The following PZP variants were observed in gnomAD, a reference collection of about 807,000 sequenced individuals.
PZP encodes pregnancy zone protein.
A neutral mutation model predicts 179.8 loss-of-function variants in PZP; 150 were observed. The observed-to-expected ratio is 0.83, with a 90% CI of 0.73 to 0.96. The LOEUF is 0.96. Among genes scored for constraint, PZP ranks in the 40% least tolerant of loss-of-function variants. The pLI is 0.00. For synonymous variants in PZP, 624 were observed against 652.3 expected, an observed-to-expected ratio of 0.96 and a Z score of 0.66; for missense variants, 1,689 against 1,764.0, an observed-to-expected ratio of 0.96 and a Z score of 0.76.
chr12:9,205,171 G>A (rs1395944546), intron 1 of PZP, among the ~76,000 whole-genome samples: 1 of 152,054 alleles, frequency 6.6e-6, no homozygotes, highest in African/African-American at 2.4e-5. Flanking sequence ...TATTTAAATT[G>A]TTGAAAGTTT....
intron 21 of PZP, among the ~76,000 whole-genome samples, chr12:9,163,296 CA>C (rs139918325): frequency 0.24 from 32,069 of 134,034 alleles, 3,639 homozygotes; most frequent in East Asian, 0.4. Context: ...ACTAAAAATA[CA>C]AAAAAAAAAA....
At chr12:9,208,197 G>T in intron 1 of PZP, 62 bp downstream of exon 1, 1 of 1,311,786 alleles carries the variant, frequency 7.6e-7, no homozygotes, top group Non-Finnish European at 1.1e-6. Flanking sequence ...GGAAGGCAAA[G>T]CGAAGACACA....
intron 4 of PZP, among the ~76,000 whole-genome samples, chr12:9,201,565 C>T (rs1944163024): frequency 6.6e-6 from 1 of 151,900 alleles, no homozygotes; most frequent in African/African-American, 2.4e-5. Context: ...TTGCCATTTC[C>T]CTGAAAATTA....
intron 7 of PZP, among the ~76,000 whole-genome samples, chr12:9,199,199 G>C (rs1456304374): frequency 2.0e-5 from 3 of 152,130 alleles, no homozygotes; most frequent in African/African-American, 7.2e-5. Context: ...TCATAATCAT[G>C]ACATCAGTCA....
intron 12 of PZP, 89 bp downstream of exon 12, chr12:9,192,423 G>A: frequency 7.5e-7 from 1 of 1,339,508 alleles, no homozygotes; most frequent in Admixed American, 1.8e-5. Flanking sequence ...GTGGCTGTGT[G>A]CAAGTAGTTT....
At chr12:9,196,826 A>G (rs1182743968) in intron 8 of PZP, 141 bp from the exon 9 acceptor site, 1 of 795,762 alleles carries the variant, frequency 1.3e-6, no homozygotes, top group East Asian at 2.6e-5. Flanking sequence ...TAATACTCAT[A>G]TCTGCTTTGT....
At chr12:9,205,123 A>G (rs949960294) in intron 1 of PZP, among the ~76,000 whole-genome samples, 4 of 152,178 alleles carry the variant, frequency 2.6e-5, no homozygotes, top group Non-Finnish European at 5.9e-5. Context: ...TTATATGAGT[A>G]CTAAAAGTCA....
At chr12:9,187,036 A>G (rs1315739511) in intron 13 of PZP, among the ~76,000 whole-genome samples, 2 of 151,264 alleles carry the variant, frequency 1.3e-5, no homozygotes, top group Non-Finnish European at 2.9e-5. Flanking sequence ...AGGGGTTGCA[A>G]TACTAATTTC....
intron 35 of PZP, among the ~76,000 whole-genome samples, 178 bp from the exon 36 acceptor site, chr12:9,149,172 C>T (rs1387628491): frequency 6.6e-6 from 1 of 152,146 alleles, no homozygotes; most frequent in Non-Finnish European, 1.5e-5. Context: ...ACAAAGGCAG[C>T]CATAGCCAAT....
intron 20 of PZP, 106 bp from the exon 21 acceptor site, chr12:9,163,895 A>C: frequency 7.2e-7 from 1 of 1,390,170 alleles, no homozygotes; most frequent in Non-Finnish European, 9.7e-7. Flanking sequence ...AATAAGGCTA[A>C]AAAAAAAGAA....
At chr12:9,186,682 T>A (rs1297838509) in intron 13 of PZP, among the ~76,000 whole-genome samples, 1 of 151,930 alleles carries the variant, frequency 6.6e-6, no homozygotes. Flanking sequence ...TAAAAAAGGA[T>A]GAGTTCATGT....
intron 27 of PZP, 80 bp from the exon 28 acceptor site, chr12:9,157,435 G>T (rs1209666254): frequency 7.5e-7 from 1 of 1,333,092 alleles, no homozygotes; most frequent in Non-Finnish European, 1.0e-6. Context: ...TTGACAGTCA[G>T]ATGTTATTAA....
intron 15 of PZP, among the ~76,000 whole-genome samples, chr12:9,177,390 G>C (rs1942458592): frequency 6.6e-6 from 1 of 152,202 alleles, no homozygotes; most frequent in Non-Finnish European, 1.5e-5. Context: ...CTGTCAAGCT[G>C]TCAGGTGGCT....
At chr12:9,138,577 A>C in the PZP span, among the ~76,000 whole-genome samples, 1 of 151,888 alleles carries the variant, frequency 6.6e-6, no homozygotes, top group African/African-American at 2.4e-5. Context: ...ACTGATTGGC[A>C]CTTTTTTAAA....
intron 8 of PZP, 122 bp downstream of exon 8, chr12:9,196,890 T>C: frequency 1.2e-6 from 1 of 844,356 alleles, no homozygotes; most frequent in Admixed American, 2.5e-5. Flanking sequence ...GAACAGAAAT[T>C]CGTTTTTTGG....
At position 9,158,524 on chromosome 12, in the gene PZP, T is replaced by G; in HGVS notation, c.3190A>C (p.Ile1064Leu). Residue 1064 changes from isoleucine to leucine, a missense_variant, in exon 26 of 36, where the codon ATT becomes CTT. Coordinates refer to ENST00000261336, the MANE Select transcript of PZP (RefSeq NM_002864.3). Reference sequence around the variant, plus strand: ...GATTGGGTAATGTGTGCTTCATCAATGAAGATGTAGGATCGAGCCTGGGCG... The same window carrying G: ...GATTGGGTAATGTGTGCTTCATCAAGGAAGATGTAGGATCGAGCCTGGGCG... The part of the protein sequence containing the change: ...TFAQARSYIF[I>L]DEAHITQSLT... 1 of 1,614,112 alleles carries G rather than the reference T, an allele frequency of 6.2e-7. No homozygotes were observed. Among genetic ancestry groups the G allele is most frequent in the Non-Finnish European group, 8.5e-7 (1 of 1,180,004 alleles).
At position 9,159,947 on chromosome 12, in the gene PZP, C is replaced by T. The variant is rs750546199; in HGVS notation, c.3128G>A (p.Gly1043Asp). 13 of 1,611,616 alleles carry T rather than the reference C, an allele frequency of 8.1e-6. No individual in the cohort carries two copies. The highest frequency in any genetic ancestry group is 1.1e-5 in the Non-Finnish European group (13 of 1,177,938). Reference protein sequence around the residue: ...TFGERYGRNQGNTWLTAFVLK... With the variant: ...TFGERYGRNQDNTWLTAFVLK... ...AGATTTTCTTTCTTACCAAGTGTTG[C>T]CCTGGTTCCTGCCATATCGTTCCCC... Residue 1043 changes from glycine to aspartate, a missense_variant, in exon 25 of 36, where the codon GGC becomes GAC. By Grantham distance (94) the Gly-to-Asp change is moderately conservative. Coordinates refer to ENST00000261336, the MANE Select transcript of PZP (RefSeq NM_002864.3).
Position 9,160,326 on chromosome 12 carries a change from A to G in PZP, c.3037T>C (p.Tyr1013His), listed in dbSNP as rs1941084862. ...CTGTCTCACTTACCAGTGATGAGAT[A>G]GCCAACGGCCTTGGCCTTGATCTCC... Reference protein sequence around the residue: ...TQEIKAKAVGYLITGYQRQLN... With the variant: ...TQEIKAKAVGHLITGYQRQLN... Residue 1013 changes from tyrosine (Y) to histidine (H), a missense_variant, in exon 24 of 36, where the codon TAT becomes CAT. This residue lies in a region of PZP where 746 missense variants were observed against 749.2 expected (regional missense o/e 1.00). Coordinates refer to ENST00000261336, the MANE Select transcript of PZP (RefSeq NM_002864.3). 1 of 1,610,578 alleles carries G rather than the reference A, an allele frequency of 6.2e-7. No individual in the cohort carries two copies. Among genetic ancestry groups the G allele is most frequent in the Non-Finnish European group, 8.5e-7 (1 of 1,179,036 alleles).
At position 9,165,237 on chromosome 12, in the gene PZP, G is replaced by A. The variant is rs781778595; in HGVS notation, c.2389C>T (p.Pro797Ser). ...GGCATTGTGAGCTCCACAAAGAAGGGCTGGAAGGCTCGGAGAGAGGCAGTG... is the reference window on the plus strand; with the variant it reads ...GGCATTGTGAGCTCCACAAAGAAGGACTGGAAGGCTCGGAGAGAGGCAGTG... ...SSTASLRAFQ[P>S]FFVELTMPYS... The change falls in exon 19 of 36, where the codon CCC becomes TCC. Residue 797 changes from proline to serine, a missense_variant. Transcript: ENST00000261336. 3.1e-6 allele frequency: 5 copies of A among 1,614,178 alleles called. No individual in the cohort carries two copies. In the South Asian group the frequency reaches 3.3e-5, roughly 11 times the overall value.
Sources: allele counts gnomAD v4.1 joint callset (sites outside exome capture counted in the v4.1 genomes callset), GRCh38; gene constraint gnomAD v4.1.1; regional missense constraint gnomAD v4.1.1; transcripts MANE v1.5; gene names NCBI Gene and HGNC (gene_info 2026-07-23, HGNC 2026-07-21).